Variants in GGN observed in about 807,000 individuals in gnomAD.
GGN encodes gametogenetin.
GGN carries 27 observed loss-of-function variants against 35.5 expected under a neutral mutation model. That is an observed-to-expected ratio of 0.76 (90% CI 0.56 to 1.05). The LOEUF (loss-of-function observed/expected upper bound fraction) is 1.05. Ranked by LOEUF, GGN falls within the 50% of genes least tolerant of loss-of-function variation. The pLI, the probability that GGN is intolerant of heterozygous loss-of-function variation, is 0.00. For synonymous variants in GGN, 425 were observed against 444.1 expected, an observed-to-expected ratio of 0.96 and a Z score of 0.54; for missense variants, 1,006 against 940.7, an observed-to-expected ratio of 1.07 and a Z score of -0.91.
Position 38,386,187 on chromosome 19 carries a change from C to T in GGN, c.1075G>A (p.Gly359Ser). Residue 359 changes from glycine to serine, a missense_variant, in exon 3 of 4, where the codon GGC becomes AGC. Transcript: ENST00000334928. ...PKFDWVSAPDGPERHFRFNGA... is the reference protein window; with the variant it reads ...PKFDWVSAPDSPERHFRFNGA... The stretch of plus-strand genomic sequence containing the variant: ...TTGAAGCGGAAGTGGCGTTCAGGGC[C>T]GTCGGGAGCGCTAACCCAGTCGAAT... 4 of 1,600,730 alleles carry T rather than the reference C, an allele frequency of 2.5e-6. No homozygotes were observed. Among genetic ancestry groups the T allele is most frequent in the Non-Finnish European group, 3.4e-6 (4 of 1,177,830 alleles).
chr19:38,385,986 G>A lies in GGN; in HGVS notation c.1276C>T (p.Pro426Ser), dbSNP rs200355588. 5.0e-5 allele frequency: 80 copies of A among 1,606,978 alleles called. No individual in the cohort carries two copies. The African/African-American group carries it at 9.8e-4, about 20-fold the overall frequency. ...AGGCCTGGAGGCCCCGGGCGCATGG[G>A]CTCGCCATTGGTGGGTGCTGGGAAG... ...FIFPAPTNGE[P>S]MRPGPPGLQE... is the part of the protein sequence containing the mutation. The change falls in exon 3 of 4, where the codon CCC (proline) becomes TCC (serine). Residue 426 changes from proline (P) to serine (S), a missense_variant. Physicochemically the swap from Pro to Ser is moderately conservative, Grantham distance 74. Coordinates refer to ENST00000334928, the MANE Select transcript of GGN (RefSeq NM_152657.4).
chr19:38,386,857 G>A lies in GGN; in HGVS notation c.405C>T (p.Asp135=), dbSNP rs767369007. ...GCTTCAGCGGGCGGAGGCTCGGAGG[G>A]TCGCCCTGGCCGCGATGGCTCGCCT... ...LLEASHRGQG[D]PPSLRPLKPP... is the part of the protein sequence containing the mutation. Residue 135 remains aspartate (D), a synonymous_variant, in exon 3 of 4, where the codon GAC becomes GAT. Coordinates refer to ENST00000334928, the MANE Select transcript of GGN (RefSeq NM_152657.4). The A allele has an allele frequency of 1.9e-6, 3 of 1,597,850 alleles. No individual in the cohort carries two copies. The highest frequency in any genetic ancestry group is 2.6e-6 in the Non-Finnish European group (3 of 1,172,112).
chr19:38,385,292 C>A, intron 3 of GGN, 129 bp downstream of exon 3: 1 of 1,275,126 alleles, frequency 7.8e-7, no homozygotes, highest in Non-Finnish European at 1.1e-6. Context: ...GGTGGGAGCT[C>A]AGCTAGGTTT....
rs753803222 is a variant in GGN, at chr19:38,384,535, G to T, written c.1842-6C>A. 6.8e-6 allele frequency: 11 copies of T among 1,610,648 alleles called. No homozygotes were observed. The South Asian group carries it at 9.9e-5, about 14-fold the overall frequency. ...GGTTGGTGGATGTGCTCAGCCTAGT[G>T]GGGGAGGGTAGAGTCAGCAAAGCCC... On this transcript the variant is annotated splice_region_variant and splice_polypyrimidine_tract_variant and intron_variant, in intron 3 of 3. Coordinates refer to ENST00000334928, the MANE Select transcript of GGN (RefSeq NM_152657.4).
intron 3 of GGN, among the ~76,000 whole-genome samples, chr19:38,385,171 C>T (rs535361608): frequency 2.0e-5 from 3 of 152,290 alleles, no homozygotes; most frequent in South Asian, 2.1e-4. Flanking sequence ...AAGAGAGGTA[C>T]AGGAGGGCCA....
In GGN at chr19:38,386,241, A is replaced by G. The variant is rs1254998042; in HGVS notation, c.1021T>C (p.Tyr341His). The change falls in exon 3 of 4, where the codon TAC becomes CAC. Residue 341 changes from tyrosine (Y) to histidine (H), a missense_variant. Coordinates refer to ENST00000334928, the MANE Select transcript of GGN (RefSeq NM_152657.4). ...SQARALPPPP[Y>H]TTFPGSKPKF... ...GGCTTCGAGCCTGGGAAGGTGGTGT[A>G]GGGTGGCGGCGGTAGGGCCCGGGCT... The G allele has an allele frequency of 6.2e-7, 1 of 1,609,694 alleles. No individual in the cohort carries two copies. Among genetic ancestry groups the G allele is most frequent in the South Asian group, 1.1e-5 (1 of 90,940 alleles).
rs1294960351 is a variant in GGN, at chr19:38,386,897, A to T, written c.365T>A (p.Ile122Asn). ...ATGGCTCGCCTCCAGCAGGCGGCGG[A>T]TCCGGGGAACTGGAGTGCCCGCGGG... ...QKPAGTPVPR[I>N]RRLLEASHRG... Residue 122 changes from isoleucine to asparagine, a missense_variant, in exon 3 of 4, where the codon ATC (isoleucine) becomes AAC (asparagine). Coordinates refer to ENST00000334928, the MANE Select transcript of GGN (RefSeq NM_152657.4). 2 of 1,567,242 alleles carry T rather than the reference A, an allele frequency of 1.3e-6. No individual in the cohort carries two copies. Among genetic ancestry groups the T allele is most frequent in the Non-Finnish European group, 1.7e-6 (2 of 1,157,194 alleles).
chr19:38,385,211 G>A (rs887730171), intron 3 of GGN, among the ~76,000 whole-genome samples: 1 of 152,210 alleles, frequency 6.6e-6, no homozygotes, highest in Non-Finnish European at 1.5e-5. Flanking sequence ...GATGCCATAG[G>A]GCTGGGCCAG....
rs1416151999 is a variant in GGN at position 38,387,056 on chromosome 19, G to A, written c.206C>T (p.Ser69Leu). The change falls in exon 3 of 4, where the codon TCA becomes TTA. Residue 69 changes from serine to leucine, a missense_variant. Coordinates refer to ENST00000334928, the MANE Select transcript of GGN (RefSeq NM_152657.4). The surrounding 1 kb of genome is among the most constrained non-coding windows in gnomAD (Gnocchi z 5.3). ...GLMVPREPQASPSTLPLTLER... is the reference protein window; with the variant it reads ...GLMVPREPQALPSTLPLTLER... ...TAAGGTGAGGGGCAGGGTCGAGGGT[G>A]AGGCCTGGGGCTCCCGGGGTACCAT... The A allele has an allele frequency of 6.4e-7, 1 of 1,556,142 alleles. No individual in the cohort carries two copies. The highest frequency in any genetic ancestry group is 8.7e-7 in the Non-Finnish European group (1 of 1,149,836).
rs1203959026 is a variant in GGN at position 38,387,036 on chromosome 19, T to TGA, written c.224_225dup (p.Thr76SerfsTer3). ...ATCACTGGAGAGGGCCGTTCTAAGG[T>TGA]GAGGGGCAGGGTCGAGGGTGAGGCC... On this transcript the variant is annotated frameshift_variant, in exon 3 of 4. Coordinates refer to ENST00000334928, the MANE Select transcript of GGN (RefSeq NM_152657.4). LOFTEE classifies it high-confidence loss of function. The surrounding 1 kb of genome is among the most constrained non-coding windows in gnomAD (Gnocchi z 5.3). 6.4e-7 allele frequency: 1 copy of TGA among 1,552,446 alleles called. No homozygotes were observed. Among genetic ancestry groups the TGA allele is most frequent in the Non-Finnish European group, 8.7e-7 (1 of 1,148,002 alleles).
At position 38,385,532 on chromosome 19, in the gene GGN, G is replaced by A; in HGVS notation, c.1730C>T (p.Thr577Ile). The change falls in exon 3 of 4, where the codon ACC (threonine) becomes ATC (isoleucine). Residue 577 changes from threonine (T) to isoleucine (I), a missense_variant. By Grantham distance (89) the Thr-to-Ile change is moderately conservative. Coordinates refer to ENST00000334928, the MANE Select transcript of GGN (RefSeq NM_152657.4). ...SGASQTGAANTRAARHWLPFQ... is the reference protein window; with the variant it reads ...SGASQTGAANIRAARHWLPFQ... ...GGGCAGCCAGTGGCGCGCAGCGCGGGTGTTAGCTGCCCCAGTCTGAGAGGC... is the reference window on the plus strand; with the variant it reads ...GGGCAGCCAGTGGCGCGCAGCGCGGATGTTAGCTGCCCCAGTCTGAGAGGC... 3 of 1,614,128 alleles carry A rather than the reference G, an allele frequency of 1.9e-6. No individual in the cohort carries two copies. Among genetic ancestry groups the A allele is most frequent in the Non-Finnish European group, 2.5e-6 (3 of 1,180,026 alleles).
Position 38,385,783 on chromosome 19 carries a change from G to T in GGN, c.1479C>A (p.Ala493=). 1 of 1,555,700 alleles carries T rather than the reference G, an allele frequency of 6.4e-7. No individual in the cohort carries two copies. ...ALPPALAADQ[A]PAPSPAPAPT... ...GAGCTGGAGCCGGGGATGGGGCCGG[G>T]GCCTGGTCGGCGGCTAAGGCTGGGG... is the stretch of plus-strand genomic sequence containing the variant. The change falls in exon 3 of 4, where the codon GCC becomes GCA. Residue 493 remains alanine, a synonymous_variant. Transcript: ENST00000334928.
rs747408047 is a variant in GGN, at chr19:38,386,476, T to C, written c.786A>G (p.Leu262=). 6.2e-7 allele frequency: 1 copy of C among 1,612,914 alleles called. No homozygotes were observed. Among genetic ancestry groups the C allele is most frequent in the South Asian group, 1.1e-5 (1 of 91,090 alleles). Residue 262 remains leucine (L), a synonymous_variant, in exon 3 of 4, where the codon TTA becomes TTG. Transcript: ENST00000334928. ...CGCCCCCCAGCGAAGCTTTGGCTGC[T>C]AAGGAACTCGAGGCTGCCGGAGGGG... ...SLAPPAASSS[L]AAKASLGGGG...
rs773078858 is a variant in GGN at position 38,386,683 on chromosome 19, G to A, written c.579C>T (p.Ala193=). 2 of 1,609,776 alleles carry A rather than the reference G, an allele frequency of 1.2e-6. No individual in the cohort carries two copies. Among genetic ancestry groups the A allele is most frequent in the South Asian group, 2.2e-5 (2 of 90,730 alleles). The change falls in exon 3 of 4, where the codon GCC becomes GCT. Residue 193 remains alanine (A), a synonymous_variant. Transcript: ENST00000334928. The stretch of plus-strand genomic sequence containing the variant: ...TTTCTGTCGGGGGTGAGGCGGGTGT[G>A]GCCAGAGCAGGAGTGATTCTGCGGT... ...PADRRITPAL[A]TPASPPTESQ...
At position 38,385,715 on chromosome 19, in the gene GGN, G is replaced by A. The variant is rs1432728534; in HGVS notation, c.1547C>T (p.Pro516Leu). Residue 516 changes from proline (P) to leucine (L), a missense_variant, in exon 3 of 4, where the codon CCC (proline) becomes CTC (leucine). Coordinates refer to ENST00000334928, the MANE Select transcript of GGN (RefSeq NM_152657.4). ...GCGGGTCTTGATGGGCGCAGCCGCG[G>A]GTGCGGGCGCGGACACAGGCGGCGA... The part of the protein sequence containing the change: ...EPSPPVSAPA[P>L]AAAPIKTRTR... 1 of 1,611,004 alleles carries A rather than the reference G, an allele frequency of 6.2e-7. No homozygotes were observed. Among genetic ancestry groups the A allele is most frequent in the East Asian group, 2.2e-5 (1 of 44,834 alleles).
rs1232646416 is a variant in GGN, at chr19:38,387,538, G to A, written c.-20+223C>T. ...CTAAGGTTCCATGCCTGTCCCCTTGGCTGGTCATGCTGATCCCTCAGTCCT... is the reference window on the plus strand; with the variant it reads ...CTAAGGTTCCATGCCTGTCCCCTTGACTGGTCATGCTGATCCCTCAGTCCT... On this transcript the variant is annotated intron_variant, in intron 2 of 3. Transcript: ENST00000334928. The surrounding 1 kb of genome is among the most constrained non-coding windows in gnomAD (Gnocchi z 5.3). Among the ~76,000 whole-genome samples the A allele has an allele frequency of 6.6e-6, 1 of 152,170 alleles. No homozygotes were observed. Among genetic ancestry groups the A allele is most frequent in the East Asian group, 1.9e-4 (1 of 5,182 alleles).
rs966022753 is a variant in GGN, at chr19:38,385,909, T to C, written c.1353A>G (p.Pro451=). 2.6e-6 allele frequency: 4 copies of C among 1,565,752 alleles called. No individual in the cohort carries two copies. The highest frequency in any genetic ancestry group is 1.4e-5 in the African/African-American group (1 of 73,654). ...GCAGCGGCGTTGGCTGGAGCGCTGGTGGCTGCAGTGTGGGCGGCGGTGTGG... is the reference window on the plus strand; with the variant it reads ...GCAGCGGCGTTGGCTGGAGCGCTGGCGGCTGCAGTGTGGGCGGCGGTGTGG... ...PPPTPPPTLQ[P]PALQPTPLPV... The change falls in exon 3 of 4, where the codon CCA becomes CCG. Residue 451 remains proline (P), a synonymous_variant. Coordinates refer to ENST00000334928, the MANE Select transcript of GGN (RefSeq NM_152657.4).
Position 38,385,943 on chromosome 19 carries a change from A to G in GGN, c.1319T>C (p.Leu440Pro). The G allele has an allele frequency of 6.3e-7, 1 of 1,592,314 alleles. No individual in the cohort carries two copies. The highest frequency in any genetic ancestry group is 8.5e-7 in the Non-Finnish European group (1 of 1,170,582). ...TGTGGGCGGCGGTGTGGGCGGTGGC[A>G]GCGGTGGTAACTCCTGCAGGCCTGG... ...GPPGLQELPP[L>P]PPPTPPPTLQ... Residue 440 changes from leucine to proline, a missense_variant, in exon 3 of 4, where the codon CTG (leucine) becomes CCG (proline). Coordinates refer to ENST00000334928, the MANE Select transcript of GGN (RefSeq NM_152657.4).
Position 38,386,837 on chromosome 19 carries a change from A to G in GGN, c.425T>C (p.Leu142Pro), listed in dbSNP as rs771369713. The G allele has an allele frequency of 1.2e-6, 2 of 1,605,552 alleles. No individual in the cohort carries two copies. Among genetic ancestry groups the G allele is most frequent in the Non-Finnish European group, 1.7e-6 (2 of 1,175,596 alleles). Residue 142 changes from leucine to proline, a missense_variant, in exon 3 of 4, where the codon CTG becomes CCG. Leu to Pro is a moderately conservative substitution (Grantham distance 98). Coordinates refer to ENST00000334928, the MANE Select transcript of GGN (RefSeq NM_152657.4). ...GQGDPPSLRP[L>P]KPPPPPRQLS... is the part of the protein sequence containing the mutation. Reference sequence around the variant, plus strand: ...TTGCCGGGGCGGCGGCGGCGGCTTCAGCGGGCGGAGGCTCGGAGGGTCGCC... The same window carrying G: ...TTGCCGGGGCGGCGGCGGCGGCTTCGGCGGGCGGAGGCTCGGAGGGTCGCC...
Sources: gnomAD v4.1 joint callset for allele counts (sites outside exome capture counted in the v4.1 genomes callset) on GRCh38, gnomAD v4.1.1 for gene constraint, Gnocchi (gnomAD v3.1) non-coding constraint, MANE v1.5 for transcripts, NCBI Gene and HGNC (gene_info 2026-07-23, HGNC 2026-07-21) for gene names.